Variants in SIPA1L1 observed in about 807,000 individuals in gnomAD.
The protein encoded by SIPA1L1 is signal induced proliferation associated 1 like 1, also known as signal-induced proliferation-associated 1-like protein 1.
Under a neutral mutation model 162.7 loss-of-function variants are expected in SIPA1L1, and 26 were observed. The observed-to-expected ratio is 0.16, with a 90% confidence interval of 0.12 to 0.22. SIPA1L1 has a LOEUF of 0.22. Among genes scored for constraint, SIPA1L1 ranks in the 10% least tolerant of loss-of-function variants. The probability of loss-of-function intolerance (pLI) is 1.00; values close to 1 mark genes in which losing one functional copy is unlikely to be tolerated. For missense variants in SIPA1L1, 1,874 were observed against 2,241.0 expected (o/e 0.84, Z 3.31); for synonymous variants, 829 against 837.4 (o/e 0.99, Z 0.17).
At chr14:71,571,608 A>G (rs771039902) in intron 4 of SIPA1L1, among the ~76,000 whole-genome samples, 1 of 152,138 alleles carries the variant, frequency 6.6e-6, no homozygotes, top group Non-Finnish European at 1.5e-5. Flanking sequence ...TGCTTACAAC[A>G]GAATACCTGA....
intron 10 of SIPA1L1, among the ~76,000 whole-genome samples, chr14:71,661,904 A>G (rs979768089): frequency 2.6e-5 from 4 of 152,236 alleles, no homozygotes; most frequent in African/African-American, 9.6e-5. Flanking sequence ...CACTCTGACT[A>G]CAAGCTTAGA....
At chr14:71,468,038 G>C (rs1469509002) in intron 2 of SIPA1L1, among the ~76,000 whole-genome samples, 1 of 151,322 alleles carries the variant, frequency 6.6e-6, no homozygotes, top group East Asian at 1.9e-4. Flanking sequence ...GTGTGTGTGT[G>C]TGTGTGTGTC....
At chr14:71,440,414 C>T (rs926620994) in intron 2 of SIPA1L1, among the ~76,000 whole-genome samples, 2 of 151,898 alleles carry the variant, frequency 1.3e-5, no homozygotes, top group Non-Finnish European at 2.9e-5. Flanking sequence ...GCATTTTGGG[C>T]AGCCGAGGCA....
intron 2 of SIPA1L1, among the ~76,000 whole-genome samples, chr14:71,358,946 C>T (rs1594991403): frequency 6.6e-6 from 1 of 152,132 alleles, no homozygotes; most frequent in Non-Finnish European, 1.5e-5. Flanking sequence ...AATCCAGTCA[C>T]CTTGCACCAG....
At chr14:71,481,827 A>G (rs1211194362) in intron 2 of SIPA1L1, among the ~76,000 whole-genome samples, 1 of 152,226 alleles carries the variant, frequency 6.6e-6, no homozygotes, top group Non-Finnish European at 1.5e-5. Flanking sequence ...GGAGTAGACA[A>G]TTAGGAAGGT....
At chr14:71,610,919 T>C (rs2038136799) in intron 5 of SIPA1L1, among the ~76,000 whole-genome samples, 2 of 152,262 alleles carry the variant, frequency 1.3e-5, no homozygotes, top group South Asian at 4.1e-4. Flanking sequence ...CAGAGTACTA[T>C]GCAGTTTGTA....
chr14:71,706,850 A>G (rs542765645), intron 16 of SIPA1L1, among the ~76,000 whole-genome samples: 19 of 152,146 alleles, frequency 1.2e-4, no homozygotes, highest in African/African-American at 4.3e-4. Context: ...CCTAGCCAAT[A>G]TGATGAAACC....
intron 4 of SIPA1L1, among the ~76,000 whole-genome samples, chr14:71,544,195 ATGCATG>A (rs1228404046): frequency 9.3e-5 from 14 of 151,052 alleles, no homozygotes; most frequent in Non-Finnish European, 1.6e-4. Context: ...ATATATACAT[ATGCATG>A]TATGCACATG....
At chr14:71,345,098 G>A (rs116124304) in intron 2 of SIPA1L1, among the ~76,000 whole-genome samples, 1 of 152,066 alleles carries the variant, frequency 6.6e-6, no homozygotes, top group African/African-American at 2.4e-5. Flanking sequence ...AGCCCAGGTG[G>A]GAGTGGGGGA....
intron 4 of SIPA1L1, among the ~76,000 whole-genome samples, chr14:71,569,575 C>G (rs1244190355): frequency 6.6e-6 from 1 of 152,056 alleles, no homozygotes; most frequent in Non-Finnish European, 1.5e-5. Flanking sequence ...TTGTGGGTCC[C>G]CCAGTATAGA....
In SIPA1L1 at chr14:71,723,747, C is replaced by T. The variant is rs2083969303; in HGVS notation, c.4309C>T (p.Pro1437Ser). ...TCCAGCTGCCCCCTCACAGCTCGCA[C>T]CATCCTTCTCCTCCTCTTCCTCCTC... ...LHPAAPSQLA[P>S]SFSSSSSSSS... Residue 1437 changes from proline (P) to serine (S), a missense_variant, in exon 18 of 24, where the codon CCA becomes TCA. Physicochemically the swap from Pro to Ser is moderately conservative, Grantham distance 74. Around this residue, in one of 5 missense-constraint regions of SIPA1L1, gnomAD observed 936 missense variants for 1,051.9 expected, o/e 0.89. Transcript: ENST00000381232. 6.2e-7 allele frequency: 1 copy of T among 1,614,258 alleles called. No homozygotes were observed. The highest frequency in any genetic ancestry group is 8.5e-7 in the Non-Finnish European group (1 of 1,180,044).
chr14:71,671,396 T>A lies in SIPA1L1; in HGVS notation c.2533T>A (p.Ser845Thr). The change falls in exon 11 of 24, where the codon TCT becomes ACT. Residue 845 changes from serine to threonine, a missense_variant. Coordinates refer to ENST00000381232, the MANE Select transcript of SIPA1L1 (RefSeq NM_001386936.1). ...ISLASKKKEK[S>T]KPYPGAELSS... ...TCTGGCTTCCAAGAAGAAGGAAAAG[T>A]CTAAGCCATATCCAGGAGCCGAGCT... 1.9e-6 allele frequency: 3 copies of A among 1,614,180 alleles called. No individual in the cohort carries two copies. Among genetic ancestry groups the A allele is most frequent in the Non-Finnish European group, 2.5e-6 (3 of 1,180,034 alleles).
At chr14:71,708,104 A>G (rs547086625) in intron 16 of SIPA1L1, among the ~76,000 whole-genome samples, 115 of 150,358 alleles carry the variant, frequency 7.6e-4, no homozygotes, top group African/African-American at 2.7e-3. Flanking sequence ...TTGAAGCACA[A>G]AAGTTTTAAA....
At chr14:71,581,873 T>TA (rs1322948773) in intron 4 of SIPA1L1, among the ~76,000 whole-genome samples, 1 of 152,222 alleles carries the variant, frequency 6.6e-6, no homozygotes, top group Admixed American at 6.5e-5. Context: ...CCTTTCTACT[T>TA]ACTACCTTTT....
chr14:71,661,788 A>G (rs1454792196), intron 10 of SIPA1L1, among the ~76,000 whole-genome samples: 1 of 152,268 alleles, frequency 6.6e-6, no homozygotes, highest in African/African-American at 2.4e-5. Flanking sequence ...TGGCAAGAGC[A>G]GAGAAGAACG....
At chr14:71,350,256 C>A (rs913734804) in intron 2 of SIPA1L1, among the ~76,000 whole-genome samples, 1 of 148,036 alleles carries the variant, frequency 6.8e-6, no homozygotes, top group African/African-American at 2.5e-5. Flanking sequence ...CACACACACA[C>A]AATTAGCTGG....
intron 23 of SIPA1L1, 80 bp from the exon 24 acceptor site, chr14:71,738,938 G>T (rs982252278): frequency 5.4e-6 from 8 of 1,471,590 alleles, no homozygotes; most frequent in African/African-American, 4.2e-5. Context: ...GATCAAAACG[G>T]GTCCATAGCT....
chr14:71,669,034 G>A (rs201301647), intron 10 of SIPA1L1, among the ~76,000 whole-genome samples: 1 of 152,296 alleles, frequency 6.6e-6, no homozygotes, highest in East Asian at 1.9e-4. Context: ...TAACCTTGTA[G>A]AAACCTTGCC....
chr14:71,457,615 C>A (rs1263152240), intron 2 of SIPA1L1, among the ~76,000 whole-genome samples: 1 of 142,816 alleles, frequency 7.0e-6, no homozygotes, highest in Admixed American at 7.2e-5. Context: ...TTTTTTTAGA[C>A]GGAATTTCGC....
Sources: gnomAD v4.1 joint callset for allele counts (sites outside exome capture counted in the v4.1 genomes callset) on GRCh38, gnomAD v4.1.1 for gene constraint, gnomAD v4.1.1 regional missense constraint, MANE v1.5 for transcripts, NCBI Gene and HGNC (gene_info 2026-07-23, HGNC 2026-07-21) for gene names.